GATA5: variants seen among roughly 807,000 people sequenced by gnomAD.
GATA5 encodes the protein transcription factor GATA-5.
A neutral mutation model predicts 35.0 loss-of-function variants in GATA5; 27 were observed. That is an observed-to-expected ratio of 0.77 (90% CI 0.57 to 1.06). The LOEUF is 1.06. Ranked by LOEUF, GATA5 falls within the 50% of genes least tolerant of loss-of-function variation. The pLI is 0.00. For missense variants in GATA5, 612 were observed against 580.0 expected, an observed-to-expected ratio of 1.06 and a Z score of -0.57; for synonymous variants, 306 against 267.8, an observed-to-expected ratio of 1.14 and a Z score of -1.39.
rs782367375 is a variant in GATA5 at position 62,466,511 on chromosome 20, T to A, written c.740A>T (p.His247Leu). 1.3e-6 allele frequency: 2 copies of A among 1,564,068 alleles called. No homozygotes were observed. Among genetic ancestry groups the A allele is most frequent in the East Asian group, 2.4e-5 (1 of 41,948 alleles). ...CCGCCACAGCGTGGTGTTGGTCGTG[T>A]GGCAGTTGGTGCAGCAGAGGCCGGC... Reference protein sequence around the residue: ...RRAGLCCTNCHTTNTTLWRRN... With the variant: ...RRAGLCCTNCLTTNTTLWRRN... Residue 247 changes from histidine to leucine, a missense_variant, in exon 4 of 7, where the codon CAC becomes CTC. Coordinates refer to ENST00000252997, the MANE Select transcript of GATA5 (RefSeq NM_080473.5).
intron 1 of GATA5, among the ~76,000 whole-genome samples, 161 bp downstream of exon 1, chr20:62,475,769 G>T (rs1555897130): frequency 6.6e-6 from 1 of 152,022 alleles, no homozygotes; most frequent in Non-Finnish European, 1.5e-5. Flanking sequence ...CCTCCTCCCC[G>T]ACCGGGCTTC....
At chr20:62,466,003 C>T in intron 4 of GATA5, 82 bp from the exon 5 acceptor site, 2 of 1,002,100 alleles carry the variant, frequency 2.0e-6, no homozygotes, top group Middle Eastern at 3.0e-4. Context: ...CATTCCAGCC[C>T]CCCAGAGCCG....
At chr20:62,474,424 G>A (rs1989801696) in intron 2 of GATA5, among the ~76,000 whole-genome samples, 1 of 152,234 alleles carries the variant, frequency 6.6e-6, no homozygotes, top group African/African-American at 2.4e-5. Context: ...CCCAAAGGCA[G>A]CTCCGGAGCT....
chr20:62,468,203 C>G (rs1166420761), intron 3 of GATA5, among the ~76,000 whole-genome samples: 1 of 152,024 alleles, frequency 6.6e-6, no homozygotes, highest in East Asian at 1.9e-4. Flanking sequence ...TGAGCAGACA[C>G]AGCCAGCCTC....
At chr20:62,473,855 G>C (rs555340046) in intron 2 of GATA5, among the ~76,000 whole-genome samples, 116 of 152,310 alleles carry the variant, frequency 7.6e-4, no homozygotes, top group Non-Finnish European at 1.3e-3. Context: ...CAGACACCTG[G>C]GACTCCCGGC....
rs782776140 is a variant in GATA5 at position 62,473,394 on chromosome 20, C to G, written c.699+9G>C. 1.9e-5 allele frequency: 30 copies of G among 1,598,668 alleles called. No homozygotes were observed. The highest frequency in any genetic ancestry group is 1.8e-4 in the South Asian group (16 of 88,800). On this transcript the variant is annotated intron_variant, in intron 3 of 6. Transcript: ENST00000252997. ...CGCCCAGGCGCCCCTCTGCCCAGCC[C>G]GAACTCACCAGGCGCTTCTGAGGCC...
intron 4 of GATA5, 74 bp from the exon 5 acceptor site, chr20:62,465,995 T>G: frequency 1.9e-6 from 2 of 1,045,418 alleles, no homozygotes; most frequent in Non-Finnish European, 2.9e-6. Flanking sequence ...CACCCCCTCA[T>G]TCCAGCCCCC....
Position 62,464,700 on chromosome 20 carries a change from T to C in GATA5, c.*136A>G. The C allele has an allele frequency of 2.6e-6, 2 of 763,322 alleles. No homozygotes were observed. The highest frequency in any genetic ancestry group is 4.1e-6 in the Non-Finnish European group (2 of 489,324). 47.3% of individuals were successfully genotyped at this position (763,322 alleles called of 1,614,324 possible). On this transcript the variant is annotated 3_prime_UTR_variant, in exon 7 of 7. Transcript: ENST00000252997. ...TCCAGAAGGCCTCCCCACCACTGTG[T>C]GGAGACTCCAGCAGACCCAGTCTCT...
Position 62,465,480 on chromosome 20 carries a change from G to C in GATA5, c.914-16C>G, listed in dbSNP as rs370303228. ...CTTGTGGATCCTGGAAGCGAAGAGG[G>C]GGTGTTTACAGAGGGGTCAGGTGTG... On this transcript the variant is annotated splice_polypyrimidine_tract_variant and intron_variant, in intron 5 of 6. Transcript: ENST00000252997. The C allele has an allele frequency of 1.2e-6, 2 of 1,602,720 alleles. No homozygotes were observed. Among genetic ancestry groups the C allele is most frequent in the Non-Finnish European group, 1.7e-6 (2 of 1,178,006 alleles).
Position 62,465,365 on chromosome 20 carries a change from C to T in GATA5, c.1013G>A (p.Cys338Tyr). 6.3e-7 allele frequency: 1 copy of T among 1,596,964 alleles called. No individual in the cohort carries two copies. The highest frequency in any genetic ancestry group is 8.5e-7 in the Non-Finnish European group (1 of 1,175,942). ...KAKPSLASPVCPGPSMAPQAS... is the reference protein window; with the variant it reads ...KAKPSLASPVYPGPSMAPQAS... ...CTGGGGGGCCATGCTGGGCCCAGGG[C>T]ACACTGGGGACGCCAGGCTGGGCTT... The change falls in exon 6 of 7, where the codon TGC becomes TAC. Residue 338 changes from cysteine (C) to tyrosine (Y), a missense_variant. Coordinates refer to ENST00000252997, the MANE Select transcript of GATA5 (RefSeq NM_080473.5).
chr20:62,471,884 A>C, intron 3 of GATA5, among the ~76,000 whole-genome samples: 1 of 147,596 alleles, frequency 6.8e-6, no homozygotes, highest in African/African-American at 2.5e-5. Flanking sequence ...GTGTGCTACC[A>C]TGTCTGACTA....
At chr20:62,473,379 C>A in intron 3 of GATA5, 24 bp downstream of exon 3, 1 of 1,589,068 alleles carries the variant, frequency 6.3e-7, no homozygotes, top group Admixed American at 1.7e-5. Context: ...CGCCCAGGCG[C>A]CCCTCTGCCC....
At chr20:62,468,355 C>G (rs782449516) in intron 3 of GATA5, among the ~76,000 whole-genome samples, 6 of 152,262 alleles carry the variant, frequency 3.9e-5, no homozygotes, top group Non-Finnish European at 5.9e-5. Context: ...CAGATGAGGG[C>G]CGGCCTTGCT....
intron 4 of GATA5, 60 bp from the exon 5 acceptor site, chr20:62,465,981 A>G (rs917469459): frequency 8.1e-5 from 96 of 1,191,742 alleles, no homozygotes; most frequent in Non-Finnish European, 2.3e-5. Flanking sequence ...GGCCCCTTGC[A>G]CAGCACCCCC....
At chr20:62,473,879 G>A (rs544680765) in intron 2 of GATA5, among the ~76,000 whole-genome samples, 7 of 152,340 alleles carry the variant, frequency 4.6e-5, no homozygotes, top group African/African-American at 1.7e-4. Context: ...GGGACCGGGG[G>A]CCAGCACTGG....
rs1569046520 is a variant in GATA5 at position 62,470,078 on chromosome 20, CA to C, written c.699+3324del. Among the ~76,000 whole-genome samples the C allele has an allele frequency of 6.6e-6, 1 of 152,252 alleles. No individual in the cohort carries two copies. Among genetic ancestry groups the C allele is most frequent in the African/African-American group, 2.4e-5 (1 of 41,468 alleles). On this transcript the variant is annotated intron_variant, in intron 3 of 6. Transcript: ENST00000252997. This position sits in a 1 kb window ranked among gnomAD's most constrained non-coding sequence, Gnocchi z 4.6. ...GTTTTTCTTTTTTGTCGGTTCTTTTCAAAAGAAGTCAAACTTCAAAGCCTCC... is the reference window on the plus strand; with the variant it reads ...GTTTTTCTTTTTTGTCGGTTCTTTTCAAAGAAGTCAAACTTCAAAGCCTCC...
At chr20:62,467,456 T>C (rs918876223) in intron 3 of GATA5, among the ~76,000 whole-genome samples, 1 of 152,186 alleles carries the variant, frequency 6.6e-6, no homozygotes, top group South Asian at 2.1e-4. Context: ...TTCCCGAATC[T>C]CAGAGCACAG....
In GATA5 at chr20:62,470,198, G is replaced by A. The variant is rs1259652682; in HGVS notation, c.699+3205C>T. 1.3e-5 allele frequency among the ~76,000 whole-genome samples: 2 copies of A among 152,280 alleles called. No homozygotes were observed. The highest frequency in any genetic ancestry group is 2.9e-5 in the Non-Finnish European group (2 of 68,046). On this transcript the variant is annotated intron_variant, in intron 3 of 6. Transcript: ENST00000252997. This position sits in a 1 kb window ranked among gnomAD's most constrained non-coding sequence, Gnocchi z 4.6. ...TCTGGGCAGGGCAGGGCCCGGGCCG[G>A]TGCTGGCGGAAATTCAAGGAAGGCG... is the stretch of plus-strand genomic sequence containing the variant.
chr20:62,475,196 C>A lies in GATA5; in HGVS notation c.326G>T (p.Gly109Val), dbSNP rs1170998497. 2 of 1,261,740 alleles carry A rather than the reference C, an allele frequency of 1.6e-6. No homozygotes were observed. The highest frequency in any genetic ancestry group is 6.1e-5 in the South Asian group (2 of 32,844). 78.2% of individuals were successfully genotyped at this position (1,261,740 alleles called of 1,614,324 possible). The change falls in exon 2 of 7, where the codon GGG (glycine) becomes GTG (valine). Residue 109 changes from glycine (G) to valine (V), a missense_variant. Gly to Val is a moderately radical substitution (Grantham distance 109). Transcript: ENST00000252997. ...PSGPGSGGSAGGRDGSAYQGA... is the reference protein window; with the variant it reads ...PSGPGSGGSAVGRDGSAYQGA... The stretch of plus-strand genomic sequence containing the variant: ...CTGGTAGGCACTGCCGTCTCGGCCC[C>A]CCGCGCTGCCGCCGCTGCCGGGCCC...
Sources: allele counts gnomAD v4.1 joint callset (sites outside exome capture counted in the v4.1 genomes callset), GRCh38; gene constraint gnomAD v4.1.1; non-coding constraint Gnocchi (gnomAD v3.1); transcripts MANE v1.5; gene names NCBI Gene and HGNC (gene_info 2026-07-23, HGNC 2026-07-21).